Variants in EYS observed in about 807,000 individuals in gnomAD.
EYS encodes EGF-like photoreceptor maintenance factor, also known as protein eyes shut homolog.
EYS carries 250 observed loss-of-function variants against 282.1 expected under a neutral mutation model. That is an observed-to-expected ratio of 0.89 (90% CI 0.80 to 0.98). EYS has a LOEUF of 0.98. Ranked by LOEUF, EYS falls within the 50% of genes least tolerant of loss-of-function variation. The pLI is 0.00. For synonymous variants in EYS, 1,355 were observed against 1,282.9 expected (o/e 1.06, Z -1.20); for missense variants, 4,016 against 3,709.0 (o/e 1.08, Z -2.15).
At chr6:65,474,262 G>C (rs1765320949) in intron 5 of EYS, among the ~76,000 whole-genome samples, 1 of 151,990 alleles carries the variant, frequency 6.6e-6, no homozygotes, top group African/African-American at 2.4e-5. Context: ...ACCCCCATGG[G>C]GAATGGTACA....
At chr6:64,385,905 C>T (rs1739409) in intron 29 of EYS, among the ~76,000 whole-genome samples, 105,243 of 151,918 alleles carry the variant, frequency 0.69, 36,432 homozygotes, top group South Asian at 0.71. Flanking sequence ...CCTTTGTCTA[C>T]GGCCAGCCTC....
At chr6:64,643,419 G>T (rs1582989361) in intron 22 of EYS, among the ~76,000 whole-genome samples, 2 of 152,262 alleles carry the variant, frequency 1.3e-5, no homozygotes, top group African/African-American at 2.4e-5. Flanking sequence ...CAGACAAAGT[G>T]GTATGTATGG....
chr6:64,566,718 G>A (rs1765576787), intron 26 of EYS, among the ~76,000 whole-genome samples: 1 of 151,862 alleles, frequency 6.6e-6, no homozygotes, highest in South Asian at 2.1e-4. Flanking sequence ...AAACATGTAG[G>A]GAAATTACAA....
At position 64,626,183 on chromosome 6, in the gene EYS, G is replaced by A. The variant is rs1562098543; in HGVS notation, c.3506C>T (p.Pro1169Leu). The A allele has an allele frequency of 1.3e-6, 2 of 1,542,366 alleles. No homozygotes were observed. The highest frequency in any genetic ancestry group is 3.6e-4 in the Middle Eastern group (2 of 5,512). The change falls in exon 23 of 43, where the codon CCA becomes CTA. Residue 1169 changes from proline (P) to leucine (L), a missense_variant. Pro to Leu is a moderately conservative substitution (Grantham distance 98). Coordinates refer to ENST00000503581, the MANE Select transcript of EYS (RefSeq NM_001142800.2). ...EININECSSS[P>L]CLHGADCEDH... Reference sequence around the variant, plus strand: ...TTCACAGTCTGCACCATGTAGACATGGTGATGAAGAGCATTCATTTATATT... The same window carrying A: ...TTCACAGTCTGCACCATGTAGACATAGTGATGAAGAGCATTCATTTATATT...
At chr6:64,553,556 C>CCCT (rs1016341329) in intron 26 of EYS, among the ~76,000 whole-genome samples, 9 of 137,374 alleles carry the variant, frequency 6.6e-5, no homozygotes, top group Admixed American at 7.4e-5. Context: ...CCCCCCCCCC[C>CCCT]CCATAGGCAG....
At chr6:64,106,992 G>A (rs11961532) in intron 31 of EYS, among the ~76,000 whole-genome samples, 6,369 of 151,062 alleles carry the variant, frequency 0.042, 389 homozygotes, top group African/African-American at 0.14. Context: ...TTTTGTTATA[G>A]TATTTTTGGT....
chr6:65,679,403 A>G (rs1768740238), intron 1 of EYS, among the ~76,000 whole-genome samples: 2 of 152,034 alleles, frequency 1.3e-5, no homozygotes, highest in Admixed American at 1.3e-4. Context: ...CATAAATGAC[A>G]CTTGAGGACA....
chr6:65,363,573 C>G (rs945434776), intron 8 of EYS, among the ~76,000 whole-genome samples: 1 of 151,666 alleles, frequency 6.6e-6, no homozygotes, highest in Non-Finnish European at 1.5e-5. Flanking sequence ...GTTGCCATCT[C>G]AGGAAGAGTA....
intron 22 of EYS, among the ~76,000 whole-genome samples, chr6:64,797,970 T>C (rs966740087): frequency 1.3e-5 from 2 of 151,936 alleles, no homozygotes; most frequent in Admixed American, 1.3e-4. Context: ...TCTCATATAT[T>C]ACATAAATTT....
At chr6:65,414,414 T>G (rs1426274674) in intron 5 of EYS, among the ~76,000 whole-genome samples, 1 of 152,100 alleles carries the variant, frequency 6.6e-6, no homozygotes, top group African/African-American at 2.4e-5. Context: ...GAGACAAGAT[T>G]TTAGACTACT....
chr6:63,949,038 A>T (rs1242014813), intron 35 of EYS, among the ~76,000 whole-genome samples: 1 of 152,226 alleles, frequency 6.6e-6, no homozygotes, highest in African/African-American at 2.4e-5. Flanking sequence ...TTAATATACA[A>T]AAATGAGCAT....
chr6:64,695,152 G>A (rs1211959077), intron 22 of EYS, among the ~76,000 whole-genome samples: 2 of 151,920 alleles, frequency 1.3e-5, no homozygotes, highest in African/African-American at 2.4e-5. Context: ...CACCCTAGAG[G>A]CAGAGCATAG....
Position 65,368,630 on chromosome 6 carries a change from G to A in EYS, c.1300-15013C>T, listed in dbSNP as rs75553424. Among the ~76,000 whole-genome samples the A allele has an allele frequency of 1.6e-4, 25 of 151,740 alleles. No homozygotes were observed. In the East Asian group the frequency reaches 4.8e-3, roughly 29 times the overall value. On this transcript the variant is annotated intron_variant, in intron 8 of 42. Coordinates refer to ENST00000503581, the MANE Select transcript of EYS (RefSeq NM_001142800.2). ...TTCTTCCAAGTAAAAGCACATTGTT[G>A]TTTGCTTATTTAAAATATGAGAGTA...
intron 12 of EYS, among the ~76,000 whole-genome samples, chr6:65,223,006 G>A (rs1381882976): frequency 6.6e-6 from 1 of 152,124 alleles, no homozygotes; most frequent in Non-Finnish European, 1.5e-5. Context: ...CAGACCTAAG[G>A]ACGACATCAA....
intron 12 of EYS, among the ~76,000 whole-genome samples, chr6:65,292,486 C>G (rs1292893898): frequency 6.6e-6 from 1 of 151,636 alleles, no homozygotes; most frequent in South Asian, 2.1e-4. Context: ...CTAATGTGGA[C>G]GAGATAGTCT....
chr6:64,582,368 G>T (rs1766098384), intron 26 of EYS, among the ~76,000 whole-genome samples: 1 of 152,106 alleles, frequency 6.6e-6, no homozygotes, highest in Non-Finnish European at 1.5e-5. Flanking sequence ...CTAATGCCTG[G>T]TGATCTGAAG....
At chr6:64,191,036 G>A (rs905999823) in intron 31 of EYS, among the ~76,000 whole-genome samples, 2 of 152,048 alleles carry the variant, frequency 1.3e-5, no homozygotes, top group Non-Finnish European at 2.9e-5. Flanking sequence ...TGTGTTTTGT[G>A]TAGTTTTCCA....
intron 35 of EYS, among the ~76,000 whole-genome samples, chr6:63,949,580 T>C (rs984935064): frequency 6.6e-6 from 1 of 152,188 alleles, no homozygotes. Context: ...TCAATAAATA[T>C]ATATTGTGTG....
At chr6:63,969,437 A>G (rs1766453951) in intron 35 of EYS, among the ~76,000 whole-genome samples, 1 of 152,216 alleles carries the variant, frequency 6.6e-6, no homozygotes, top group Non-Finnish European at 1.5e-5. Context: ...CTAAATTCTA[A>G]GCAGAGAGAA....
Sources: allele counts gnomAD v4.1 joint callset (sites outside exome capture counted in the v4.1 genomes callset), GRCh38; gene constraint gnomAD v4.1.1; transcripts MANE v1.5; gene names NCBI Gene and HGNC (gene_info 2026-07-23, HGNC 2026-07-21).